Variants in STRN observed in about 807,000 individuals in gnomAD.
STRN encodes protein phosphatase 2 regulatory subunit B'''alpha.
Under a neutral mutation model 96.3 loss-of-function variants are expected in STRN, and 53 were observed. That is an observed-to-expected ratio of 0.55 (90% CI 0.44 to 0.69). STRN has a LOEUF of 0.69. Among genes scored for constraint, STRN ranks in the 30% least tolerant of loss-of-function variants. The probability of loss-of-function intolerance (pLI) is 0.00; values close to 1 mark genes in which losing one functional copy is unlikely to be tolerated. For synonymous variants in STRN, 428 were observed against 355.9 expected (o/e 1.20, Z -2.28); for missense variants, 987 against 963.9 (o/e 1.02, Z -0.32).
intron 1 of STRN, among the ~76,000 whole-genome samples, chr2:36,946,952 G>A (rs1671001072): frequency 6.6e-6 from 1 of 151,824 alleles, no homozygotes; most frequent in African/African-American, 2.4e-5. Flanking sequence ...CTGGAGTGCA[G>A]TGGTGAGATT....
At position 36,838,477 on chromosome 2, in the gene STRN, T is replaced by C. The variant is rs1344829787; in HGVS notation, c.*10979A>G. Reference sequence around the variant, plus strand: ...TTTGAAAAGATGTCTACATTTATAGTAGTCAGGAAAATGGAAATTAAAATA... The same window carrying C: ...TTTGAAAAGATGTCTACATTTATAGCAGTCAGGAAAATGGAAATTAAAATA... On this transcript the variant is annotated 3_prime_UTR_variant, in exon 18 of 18. Transcript: ENST00000263918. Among the ~76,000 whole-genome samples, 1 of 152,168 alleles carries C rather than the reference T, an allele frequency of 6.6e-6. No homozygotes were observed. The highest frequency in any genetic ancestry group is 1.5e-5 in the Non-Finnish European group (1 of 68,030).
intron 1 of STRN, among the ~76,000 whole-genome samples, chr2:36,940,943 A>G (rs1378272910): frequency 1.3e-5 from 2 of 152,258 alleles, no homozygotes; most frequent in Admixed American, 1.3e-4. Flanking sequence ...ACTGAAGATC[A>G]AGAGTTTGAG....
intron 15 of STRN, among the ~76,000 whole-genome samples, chr2:36,852,323 G>C (rs1033558381): frequency 1.3e-5 from 2 of 152,182 alleles, no homozygotes; most frequent in African/African-American, 4.8e-5. Context: ...TTATGGTCCA[G>C]GGAGAGGAAG....
intron 15 of STRN, among the ~76,000 whole-genome samples, chr2:36,853,159 A>G (rs1668262641): frequency 6.6e-6 from 1 of 151,716 alleles, no homozygotes; most frequent in African/African-American, 2.4e-5. Flanking sequence ...TCTGTCTCAA[A>G]AAAAAATAAA....
At chr2:36,885,729 A>G (rs1248216380) in intron 8 of STRN, among the ~76,000 whole-genome samples, 1 of 152,170 alleles carries the variant, frequency 6.6e-6, no homozygotes, top group Non-Finnish European at 1.5e-5. Flanking sequence ...CTGGTCTTTA[A>G]TAAGCTTTAG....
At chr2:36,935,492 T>C (rs1023963595) in intron 1 of STRN, among the ~76,000 whole-genome samples, 8 of 152,226 alleles carry the variant, frequency 5.3e-5, no homozygotes, top group African/African-American at 1.9e-4. Flanking sequence ...ATAATTATTG[T>C]CTTGTTCTCT....
chr2:36,864,870 G>A (rs773752133), intron 12 of STRN, among the ~76,000 whole-genome samples: 2 of 151,900 alleles, frequency 1.3e-5, no homozygotes, highest in Non-Finnish European at 2.9e-5. Flanking sequence ...CTGCCACCAC[G>A]CCCAGCTAAT....
chr2:36,857,883 C>T lies in STRN; in HGVS notation c.1810G>A (p.Ala604Thr), dbSNP rs770907565. 2 of 1,614,030 alleles carry T rather than the reference C, an allele frequency of 1.2e-6. No homozygotes were observed. The highest frequency in any genetic ancestry group is 8.5e-7 in the Non-Finnish European group (1 of 1,179,960). ...TTAGTATCATTAAATACACTTAGTG[C>T]TGGAGCAACCTCAGTTGTATTCCAT... ...RLWNTTEVAP[A>T]LSVFNDTKEL... The change falls in exon 14 of 18, where the codon GCA becomes ACA. Residue 604 changes from alanine to threonine, a missense_variant. Ala to Thr is a moderately conservative substitution (Grantham distance 58). Coordinates refer to ENST00000263918, the MANE Select transcript of STRN (RefSeq NM_003162.4).
intron 11 of STRN, among the ~76,000 whole-genome samples, chr2:36,868,094 A>G (rs1668675290): frequency 6.6e-6 from 1 of 152,190 alleles, no homozygotes; most frequent in South Asian, 2.1e-4. Flanking sequence ...GTCATAATCT[A>G]TTTGACTAAA....
intron 6 of STRN, among the ~76,000 whole-genome samples, chr2:36,897,916 C>T (rs1252248718): frequency 6.6e-6 from 1 of 151,994 alleles, no homozygotes; most frequent in East Asian, 1.9e-4. Flanking sequence ...GTCCCAAACT[C>T]CTGGCCTCAA....
chr2:36,897,044 G>C (rs892878879), intron 6 of STRN, among the ~76,000 whole-genome samples: 4 of 152,040 alleles, frequency 2.6e-5, no homozygotes, highest in Non-Finnish European at 5.9e-5. Flanking sequence ...GTGCATGCTT[G>C]TAATCCCAGC....
chr2:36,963,473 A>T (rs1210405802), intron 1 of STRN, among the ~76,000 whole-genome samples: 3 of 152,238 alleles, frequency 2.0e-5, no homozygotes, highest in African/African-American at 7.2e-5. Context: ...AAAAATAAAG[A>T]AGATTCAAAT....
chr2:36,863,464 G>A (rs561089062), intron 12 of STRN, among the ~76,000 whole-genome samples: 9 of 152,176 alleles, frequency 5.9e-5, no homozygotes, highest in South Asian at 4.1e-4. Flanking sequence ...CAACTTTGTC[G>A]AAGATTAGAC....
At chr2:36,955,013 T>C (rs771850499) in intron 1 of STRN, among the ~76,000 whole-genome samples, 14 of 152,276 alleles carry the variant, frequency 9.2e-5, no homozygotes, top group Middle Eastern at 3.4e-3. Flanking sequence ...ACTATACCGT[T>C]TCACTAAATT....
intron 1 of STRN, among the ~76,000 whole-genome samples, chr2:36,939,309 C>T (rs547667867): frequency 1.3e-5 from 2 of 152,088 alleles, no homozygotes; most frequent in Non-Finnish European, 2.9e-5. Context: ...AGGGATCTCC[C>T]GTTGCTTTTA....
At chr2:36,859,501 C>T (rs756990193) in intron 13 of STRN, among the ~76,000 whole-genome samples, 2 of 152,028 alleles carry the variant, frequency 1.3e-5, no homozygotes, top group Non-Finnish European at 2.9e-5. Flanking sequence ...AAAGAATATA[C>T]GAGAGAAGAA....
chr2:36,866,498 G>C (rs2148145560), intron 12 of STRN, among the ~76,000 whole-genome samples: 1 of 152,334 alleles, frequency 6.6e-6, no homozygotes, highest in South Asian at 2.1e-4. Flanking sequence ...GTACAAATGA[G>C]AAGAATGTAT....
At position 36,847,649 on chromosome 2, in the gene STRN, T is replaced by C. The variant is rs906353488; in HGVS notation, c.*1807A>G. ...TAGCTGTATTACTACAGCATATCTG[T>C]ATGAAAATCAGGCAAATTTAGCACA... On this transcript the variant is annotated 3_prime_UTR_variant, in exon 18 of 18. Transcript: ENST00000263918. 3 of 152,130 alleles carry C rather than the reference T, an allele frequency of 2.0e-5. No individual in the cohort carries two copies. Among genetic ancestry groups the C allele is most frequent in the African/African-American group, 7.2e-5 (3 of 41,426 alleles). The allele number at this position is 152,130 out of a possible 1,614,324, so 9.4% of individuals were successfully genotyped here.
In STRN at chr2:36,884,054, T is replaced by C. The variant is rs904312831; in HGVS notation, c.1064A>G (p.Gln355Arg). Residue 355 changes from glutamine (Q) to arginine (R), a missense_variant, in exon 9 of 18, where the codon CAA (glutamine) becomes CGA (arginine). Coordinates refer to ENST00000263918, the MANE Select transcript of STRN (RefSeq NM_003162.4). Reference sequence around the variant, plus strand: ...ATCTCTCAAATTAGCAAGCATATCTTGTAGTTTTGACCTATTGGGCCCTAG... The same window carrying C: ...ATCTCTCAAATTAGCAAGCATATCTCGTAGTTTTGACCTATTGGGCCCTAG... ...GVKRPNRSKL[Q>R]DMLANLRDVD... 3.6e-6 allele frequency: 5 copies of C among 1,392,670 alleles called. No homozygotes were observed. Among genetic ancestry groups the C allele is most frequent in the African/African-American group, 2.9e-5 (2 of 67,972 alleles). The allele number at this position is 1,392,670 out of a possible 1,614,324, so 86.3% of individuals were successfully genotyped here. A position where few individuals can be genotyped will look rare whatever the true frequency, so the allele number is the denominator to read the frequency against.
Sources: allele counts gnomAD v4.1 joint callset (sites outside exome capture counted in the v4.1 genomes callset), GRCh38; gene constraint gnomAD v4.1.1; transcripts MANE v1.5; gene names NCBI Gene and HGNC (gene_info 2026-07-23, HGNC 2026-07-21).